The following ZFHX3 variants were observed in gnomAD, a reference collection of about 807,000 sequenced individuals.
ZFHX3 encodes zinc finger homeobox protein 3.
In ZFHX3, 42 loss-of-function variants were observed where a neutral mutation model predicts 279.1. That is an observed-to-expected ratio of 0.15 (90% CI 0.12 to 0.19). The LOEUF is 0.19. ZFHX3 is among the 10% of genes least tolerant of loss of function. The pLI is 1.00. For missense variants in ZFHX3, 4,981 were observed against 4,754.0 expected, an observed-to-expected ratio of 1.05 and a Z score of -1.40; for synonymous variants, 2,293 against 1,957.8, an observed-to-expected ratio of 1.17 and a Z score of -4.52.
chr16:73,813,948 C>G (rs1223522155), intron 1 of ZFHX3: 2 of 152,216 alleles, frequency 1.3e-5, no homozygotes, highest in Non-Finnish European at 2.9e-5. Flanking sequence ...TTTAATTTAA[C>G]TCATTGTAGC....
chr16:73,305,495 C>T (rs1459638219), intron 4 of ZFHX3, among the ~76,000 whole-genome samples: 1 of 151,566 alleles, frequency 6.6e-6, no homozygotes, highest in Non-Finnish European at 1.5e-5. Flanking sequence ...AGAAAGACAC[C>T]CCTGCAGCTT....
At chr16:73,521,857 C>T (rs139852938) in intron 2 of ZFHX3, among the ~76,000 whole-genome samples, 2 of 152,118 alleles carry the variant, frequency 1.3e-5, no homozygotes, top group Admixed American at 6.5e-5. Flanking sequence ...AAAATTCCAC[C>T]AATGAAAGTA....
chr16:73,191,818 G>A (rs987072203), intron 5 of ZFHX3, among the ~76,000 whole-genome samples: 1 of 152,196 alleles, frequency 6.6e-6, no homozygotes, highest in Non-Finnish European at 1.5e-5. Flanking sequence ...TAAAAGAGGG[G>A]AAGGAGAAAA....
intron 3 of ZFHX3, among the ~76,000 whole-genome samples, chr16:72,943,352 G>C (rs1418745264): frequency 3.3e-5 from 5 of 152,118 alleles, no homozygotes; most frequent in Admixed American, 3.3e-4. Flanking sequence ...TGGCCACCAT[G>C]GCAAAACCCC....
chr16:73,610,868 C>T (rs1451478431), intron 2 of ZFHX3, among the ~76,000 whole-genome samples: 1 of 152,150 alleles, frequency 6.6e-6, no homozygotes, highest in Non-Finnish European at 1.5e-5. Flanking sequence ...TGTCAAAAGC[C>T]AGGGGCTTGG....
chr16:72,904,830 C>A (rs1455257619), intron 3 of ZFHX3, among the ~76,000 whole-genome samples: 3 of 151,690 alleles, frequency 2.0e-5, no homozygotes, highest in African/African-American at 7.3e-5. Context: ...ACAAAGCATT[C>A]TCTTTTTTCT....
intron 3 of ZFHX3, among the ~76,000 whole-genome samples, chr16:73,440,197 T>G (rs997311894): frequency 6.6e-6 from 1 of 152,156 alleles, no homozygotes; most frequent in Non-Finnish European, 1.5e-5. Context: ...AGAAAGTCAA[T>G]AAGACACCTC....
At chr16:72,965,496 G>A (rs181575569) in intron 1 of ZFHX3, among the ~76,000 whole-genome samples, 1 of 152,310 alleles carries the variant, frequency 6.6e-6, no homozygotes, top group Non-Finnish European at 1.5e-5. Flanking sequence ...AAGGACAAAA[G>A]GCAGGTTCCA....
At chr16:73,212,211 C>A (rs1190007352) in intron 5 of ZFHX3, among the ~76,000 whole-genome samples, 1 of 151,002 alleles carries the variant, frequency 6.6e-6, no homozygotes, top group East Asian at 1.9e-4. Flanking sequence ...GAGATCACAG[C>A]TATAAACTTT....
At chr16:73,708,037 G>T (rs2142223396) in intron 1 of ZFHX3, among the ~76,000 whole-genome samples, 1 of 142,078 alleles carries the variant, frequency 7.0e-6, no homozygotes, top group East Asian at 2.4e-4. Context: ...AATCCCTGTG[G>T]TTTTTGTGGT....
intron 2 of ZFHX3, among the ~76,000 whole-genome samples, chr16:73,597,769 T>C (rs1442758148): frequency 6.6e-6 from 1 of 152,146 alleles, no homozygotes; most frequent in Non-Finnish European, 1.5e-5. Context: ...TTCAGACTTC[T>C]AGACTGCAGA....
intron 1 of ZFHX3, among the ~76,000 whole-genome samples, chr16:73,703,230 G>A (rs2053268437): frequency 6.6e-6 from 1 of 151,882 alleles, no homozygotes; most frequent in Admixed American, 6.6e-5. Flanking sequence ...AAATTGGAAG[G>A]GTGCCTCCCC....
chr16:73,656,614 G>A (rs2052723368), intron 2 of ZFHX3, among the ~76,000 whole-genome samples: 1 of 152,146 alleles, frequency 6.6e-6, no homozygotes, highest in Non-Finnish European at 1.5e-5. Context: ...GTGTGTGCCT[G>A]TGTTTTACAT....
chr16:72,898,298 T>C (rs989989539), intron 3 of ZFHX3, among the ~76,000 whole-genome samples: 3 of 152,198 alleles, frequency 2.0e-5, no homozygotes, highest in Non-Finnish European at 4.4e-5. Context: ...AATGTTCCCT[T>C]AGATCAATCC....
At chr16:72,813,179 GAAAA>G (rs922083033) in intron 5 of ZFHX3, among the ~76,000 whole-genome samples, 3 of 150,610 alleles carry the variant, frequency 2.0e-5, no homozygotes, top group South Asian at 2.1e-4. Flanking sequence ...AAAGCAATAA[GAAAA>G]AAAAAGTAAT....
At chr16:72,931,866 C>T (rs1959828799) in intron 3 of ZFHX3, among the ~76,000 whole-genome samples, 1 of 152,188 alleles carries the variant, frequency 6.6e-6, no homozygotes, top group Admixed American at 6.5e-5. Flanking sequence ...TCACTTGCGT[C>T]CAGAAGCTGT....
chr16:73,502,760 C>G (rs1223442542), intron 2 of ZFHX3, among the ~76,000 whole-genome samples: 2 of 152,200 alleles, frequency 1.3e-5, no homozygotes, highest in Non-Finnish European at 2.9e-5. Flanking sequence ...TGAACACAGG[C>G]TGCACACCCA....
intron 4 of ZFHX3, among the ~76,000 whole-genome samples, chr16:72,841,464 G>A (rs1028729347): frequency 6.6e-6 from 1 of 152,186 alleles, no homozygotes; most frequent in Non-Finnish European, 1.5e-5. Flanking sequence ...CTGTGTCCAA[G>A]GGGAGAAAGA....
At chr16:72,949,864 C>T (rs1960891939) in intron 3 of ZFHX3, among the ~76,000 whole-genome samples, 1 of 150,170 alleles carries the variant, frequency 6.7e-6, no homozygotes. Flanking sequence ...TCTCACCCAT[C>T]TCCTGCTAAA....
Sources: allele counts gnomAD v4.1 joint callset (sites outside exome capture counted in the v4.1 genomes callset), GRCh38; gene constraint gnomAD v4.1.1; transcripts MANE v1.5; gene names NCBI Gene and HGNC (gene_info 2026-07-23, HGNC 2026-07-21).